KCNMA1: variants seen among roughly 807,000 people sequenced by gnomAD.
KCNMA1 encodes Calcium-activated potassium channel subunit alpha-1.
KCNMA1 carries 29 observed loss-of-function variants against 140.0 expected under a neutral mutation model. That is an observed-to-expected ratio of 0.21 (90% confidence interval 0.15 to 0.28). The LOEUF is 0.28. KCNMA1 is among the 10% of genes least tolerant of loss of function. The probability of loss-of-function intolerance (pLI) is 1.00; values close to 1 mark genes in which losing one functional copy is unlikely to be tolerated. For missense variants in KCNMA1, 880 were observed against 1,602.2 expected (o/e 0.55, Z 7.70); for synonymous variants, 612 against 611.9 (o/e 1.00, Z 0.00).
intron 5 of KCNMA1, among the ~76,000 whole-genome samples, chr10:77,137,867 G>A (rs2098081872): frequency 1.3e-5 from 2 of 151,948 alleles, no homozygotes; most frequent in South Asian, 4.2e-4. Flanking sequence ...CTACAGCCTC[G>A]ACCTCCTGGG....
intron 2 of KCNMA1, among the ~76,000 whole-genome samples, chr10:77,272,339 C>T (rs1413289363): frequency 6.6e-6 from 1 of 152,124 alleles, no homozygotes; most frequent in Non-Finnish European, 1.5e-5. Context: ...GTTCCTATTT[C>T]CCCTTGCTTG....
chr10:77,541,168 C>A (rs890792822), intron 1 of KCNMA1, among the ~76,000 whole-genome samples: 1 of 150,224 alleles, frequency 6.7e-6, no homozygotes, highest in African/African-American at 2.5e-5. Context: ...AAAAAACTCA[C>A]ATATTGTATC....
At chr10:77,563,455 C>T (rs559744615) in intron 1 of KCNMA1, among the ~76,000 whole-genome samples, 1 of 152,226 alleles carries the variant, frequency 6.6e-6, no homozygotes, top group East Asian at 1.9e-4. Context: ...TCAGTCCTCT[C>T]GAGAGTCCAG....
intron 1 of KCNMA1, among the ~76,000 whole-genome samples, chr10:77,512,955 T>C (rs1177312751): frequency 6.6e-6 from 1 of 152,178 alleles, no homozygotes; most frequent in Non-Finnish European, 1.5e-5. Flanking sequence ...CCTTACTCCC[T>C]GGCCTTACTG....
At chr10:76,978,789 T>C (rs2078491333) in intron 19 of KCNMA1, among the ~76,000 whole-genome samples, 1 of 152,204 alleles carries the variant, frequency 6.6e-6, no homozygotes, top group Non-Finnish European at 1.5e-5. Context: ...CTCACACCCA[T>C]GGCTACAGCT....
intron 1 of KCNMA1, among the ~76,000 whole-genome samples, chr10:77,627,219 C>CA (rs1219645296): frequency 1.3e-5 from 2 of 152,182 alleles, no homozygotes; most frequent in African/African-American, 4.8e-5. Context: ...AAAGAGTCAA[C>CA]ACCTAGAAAA....
intron 3 of KCNMA1, among the ~76,000 whole-genome samples, chr10:77,189,685 A>G (rs7897756): frequency 0.31 from 47,022 of 152,002 alleles, 7,747 homozygotes; most frequent in Non-Finnish European, 0.35. Context: ...ATAATTTCCA[A>G]CGTTCAAATT....
At chr10:77,000,731 G>A (rs114094648) in intron 19 of KCNMA1, among the ~76,000 whole-genome samples, 5,699 of 151,482 alleles carry the variant, frequency 0.038, 184 homozygotes, top group African/African-American at 0.088. Context: ...ATCATTCTGA[G>A]AAAAAGCTCT....
chr10:77,394,556 C>G (rs1217629735), intron 2 of KCNMA1, among the ~76,000 whole-genome samples: 5 of 152,220 alleles, frequency 3.3e-5, no homozygotes, highest in Admixed American at 2.6e-4. Flanking sequence ...CTACAAAATT[C>G]TCAGACATAT....
chr10:77,097,135 C>T (rs2096953642), intron 9 of KCNMA1, among the ~76,000 whole-genome samples: 1 of 152,174 alleles, frequency 6.6e-6, no homozygotes, highest in East Asian at 1.9e-4. Flanking sequence ...TTCCTTCTCA[C>T]CTGGTAGTGC....
chr10:77,356,998 G>A (rs1022474380), intron 2 of KCNMA1, among the ~76,000 whole-genome samples: 1 of 152,208 alleles, frequency 6.6e-6, no homozygotes, highest in African/African-American at 2.4e-5. Flanking sequence ...AAGCCAATAT[G>A]ATATGCATTT....
chr10:77,028,602 C>T (rs1016464839), intron 15 of KCNMA1, among the ~76,000 whole-genome samples: 2 of 152,148 alleles, frequency 1.3e-5, no homozygotes, highest in East Asian at 3.9e-4. Context: ...CCAGCTACTG[C>T]TACCCTGTGA....
At chr10:77,084,504 AG>A in intron 12 of KCNMA1, 132 bp downstream of exon 12, 1 of 752,514 alleles carries the variant, frequency 1.3e-6, no homozygotes, top group Non-Finnish European at 2.3e-6. Flanking sequence ...AGGCCTATGC[AG>A]CTGGTGAGTT....
At chr10:77,416,260 G>C (rs74140151) in intron 1 of KCNMA1, among the ~76,000 whole-genome samples, 2,324 of 152,220 alleles carry the variant, frequency 0.015, 61 homozygotes, top group African/African-American at 0.052. Context: ...TCTGAGGGAT[G>C]GAGGCATGGT....
chr10:77,184,062 T>TCACACACACACACACA lies in KCNMA1; in HGVS notation c.697-546_697-531dup, dbSNP rs3068684. Among the ~76,000 whole-genome samples, 113 of 148,004 alleles carry TCACACACACACACACA rather than the reference T, an allele frequency of 7.6e-4. 1 individual carries two copies. The East Asian group carries it at 0.014, about 19-fold the overall frequency. The stretch of plus-strand genomic sequence containing the variant: ...ATAAATAAAGCACATATGTACGCAT[T>TCACACACACACACACA]CACACACACACACACACACACACAC... On this transcript the variant is annotated intron_variant, in intron 4 of 27. Transcript: ENST00000286628.
intron 1 of KCNMA1, among the ~76,000 whole-genome samples, chr10:77,523,083 C>T (rs1004717739): frequency 2.0e-5 from 3 of 152,046 alleles, no homozygotes; most frequent in African/African-American, 7.2e-5. Context: ...CTCTCTCATG[C>T]TCTTCCCAGC....
At chr10:76,890,031 G>C (rs1048609556) in intron 26 of KCNMA1, among the ~76,000 whole-genome samples, 5 of 152,194 alleles carry the variant, frequency 3.3e-5, no homozygotes. Flanking sequence ...GCAAGGAGGA[G>C]GACCCCACCA....
chr10:76,925,845 G>C (rs1000764439), intron 23 of KCNMA1, among the ~76,000 whole-genome samples: 1 of 152,152 alleles, frequency 6.6e-6, no homozygotes, highest in Admixed American at 6.6e-5. Flanking sequence ...AGAAAATTAA[G>C]TAGCTGTAAA....
intron 3 of KCNMA1, among the ~76,000 whole-genome samples, chr10:77,238,073 CAGGA>C (rs2056157817): frequency 6.6e-6 from 1 of 152,094 alleles, no homozygotes; most frequent in Middle Eastern, 3.2e-3. Context: ...CAGGTGAGGT[CAGGA>C]AGAAATCTGA....
Sources: gnomAD v4.1 joint callset for allele counts (sites outside exome capture counted in the v4.1 genomes callset) on GRCh38, gnomAD v4.1.1 for gene constraint, MANE v1.5 for transcripts, NCBI Gene and HGNC (gene_info 2026-07-23, HGNC 2026-07-21) for gene names.